TSPEAR: variants seen among roughly 807,000 people sequenced by gnomAD.
The protein encoded by TSPEAR is thrombospondin-type laminin G domain and EAR repeat-containing protein.
In TSPEAR, 69 loss-of-function variants were observed where a neutral mutation model predicts 71.6. The ratio of observed to expected loss-of-function variants is 0.96; its 90% CI spans 0.79 to 1.18. TSPEAR has a LOEUF of 1.18. Among genes scored for constraint, TSPEAR ranks in the 50% most tolerant of loss-of-function variants. TSPEAR has a pLI of 0.00. For missense variants in TSPEAR, 971 were observed against 894.9 expected (o/e 1.09, Z -1.09); for synonymous variants, 402 against 387.2 (o/e 1.04, Z -0.45).
intron 1 of TSPEAR, chr21:44,697,862 T>A (rs1051212333): frequency 6.2e-7 from 1 of 1,603,676 alleles, no homozygotes; most frequent in Non-Finnish European, 8.5e-7. Context: ...CACCTCCTCC[T>A]GCCAGCCAAG....
chr21:44,695,034 G>T lies in TSPEAR; in HGVS notation c.82+16399C>A, dbSNP rs1365029012. Among the ~76,000 whole-genome samples, 1 of 152,216 alleles carries T rather than the reference G, an allele frequency of 6.6e-6. No individual in the cohort carries two copies. Among genetic ancestry groups the T allele is most frequent in the Non-Finnish European group, 1.5e-5 (1 of 68,030 alleles). ...CCCTCCAGGCCTCTGCCACAGGCTG[G>T]AGGAGCTGCTTGATGCAGACACTTG... On this transcript the variant is annotated intron_variant, in intron 1 of 11. Coordinates refer to ENST00000323084, the MANE Select transcript of TSPEAR (RefSeq NM_144991.3). The surrounding 1 kb of genome is among the most constrained non-coding windows in gnomAD (Gnocchi z 4.5).
Position 44,646,595 on chromosome 21 carries a change from T to C in TSPEAR, c.82+64838A>G, listed in dbSNP as rs368542155. On this transcript the variant is annotated intron_variant, in intron 1 of 11. Transcript: ENST00000323084. Reference sequence around the variant, plus strand: ...GCCCCGGCCCCCTCCCTGAGCCTGGTCTGCACCCCAGTGAGCTGTGTGTCC... The same window carrying C: ...GCCCCGGCCCCCTCCCTGAGCCTGGCCTGCACCCCAGTGAGCTGTGTGTCC... The C allele has an allele frequency of 2.3e-5, 37 of 1,612,400 alleles. No homozygotes were observed. Among genetic ancestry groups the C allele is most frequent in the African/African-American group, 6.7e-5 (5 of 74,836 alleles).
rs782199623 is a variant in TSPEAR at position 44,580,466 on chromosome 21, G to T, written c.83-12461C>A. 1 of 1,613,054 alleles carries T rather than the reference G, an allele frequency of 6.2e-7. No homozygotes were observed. The highest frequency in any genetic ancestry group is 2.2e-5 in the East Asian group (1 of 44,886). On this transcript the variant is annotated intron_variant, in intron 1 of 11. Coordinates refer to ENST00000323084, the MANE Select transcript of TSPEAR (RefSeq NM_144991.3). ...ACAGCTCACTGGGGTGCAGACCAGG[G>T]TCAGGCAGGGGGCGGTGCCGCAGGG...
chr21:44,670,830 C>G (rs1486632543), intron 1 of TSPEAR, among the ~76,000 whole-genome samples: 1 of 152,202 alleles, frequency 6.6e-6, no homozygotes, highest in African/African-American at 2.4e-5. Context: ...TGTATCTCCA[C>G]ATCCCTTCAG....
intron 1 of TSPEAR, chr21:44,579,409 T>G: frequency 2.6e-6 from 1 of 391,144 alleles, no homozygotes; most frequent in Non-Finnish European, 4.7e-6. Context: ...GAGACCAATC[T>G]GAGCTCAAAA....
In TSPEAR at chr21:44,642,339, A is replaced by G. The variant is rs1388056239; in HGVS notation, c.82+69094T>C. The stretch of plus-strand genomic sequence containing the variant: ...TTTTCTGTGATACTTGAAATATTCC[A>G]GAGATCAGAAGAAGCCAGAGGTCCT... On this transcript the variant is annotated intron_variant, in intron 1 of 11. Coordinates refer to ENST00000323084, the MANE Select transcript of TSPEAR (RefSeq NM_144991.3). The surrounding 1 kb of genome is among the most constrained non-coding windows in gnomAD (Gnocchi z 4.1). 6.6e-6 allele frequency among the ~76,000 whole-genome samples: 1 copy of G among 152,236 alleles called. No individual in the cohort carries two copies. Among genetic ancestry groups the G allele is most frequent in the Non-Finnish European group, 1.5e-5 (1 of 68,038 alleles).
rs1555953346 is a variant in TSPEAR, at chr21:44,710,326, G to A, written c.82+1107C>T. Among the ~76,000 whole-genome samples, 1 of 152,128 alleles carries A rather than the reference G, an allele frequency of 6.6e-6. No individual in the cohort carries two copies. Among genetic ancestry groups the A allele is most frequent in the East Asian group, 1.9e-4 (1 of 5,178 alleles). Reference sequence around the variant, plus strand: ...ACCCAGGCAGTAATGGTTCCAGCACGGAAGGTCTACCTACCTCCCACTGCA... The same window carrying A: ...ACCCAGGCAGTAATGGTTCCAGCACAGAAGGTCTACCTACCTCCCACTGCA... On this transcript the variant is annotated intron_variant, in intron 1 of 11. Coordinates refer to ENST00000323084, the MANE Select transcript of TSPEAR (RefSeq NM_144991.3). The surrounding 1 kb of genome is among the most constrained non-coding windows in gnomAD (Gnocchi z 4.6).
intron 1 of TSPEAR, among the ~76,000 whole-genome samples, chr21:44,664,930 C>T (rs2838619): frequency 0.72 from 108,896 of 152,098 alleles, 39,445 homozygotes; most frequent in African/African-American, 0.82. Flanking sequence ...GTAGGTTCTC[C>T]AGAAGCATTT....
chr21:44,711,470 G>A lies in TSPEAR; in HGVS notation c.45C>T (p.Ala15=), dbSNP rs782161674. Residue 15 remains alanine (A), a synonymous_variant, in exon 1 of 12, where the codon GCC becomes GCT. Coordinates refer to ENST00000323084, the MANE Select transcript of TSPEAR (RefSeq NM_144991.3). The surrounding 1 kb of genome is among the most constrained non-coding windows in gnomAD (Gnocchi z 4.5). ...CCCAACCCTGCGTGCCGTGGCCGGG[G>A]GCCGCCAGGGGCAGCACAAAACACA... ...LSLCFVLPLA[A]PGHGTQGWEP... is the part of the protein sequence containing the mutation. 3 of 1,611,506 alleles carry A rather than the reference G, an allele frequency of 1.9e-6. No homozygotes were observed. The highest frequency in any genetic ancestry group is 2.2e-5 in the East Asian group (1 of 44,792).
intron 1 of TSPEAR, among the ~76,000 whole-genome samples, chr21:44,646,124 C>CAAAAA (rs55672014): frequency 0.034 from 1,049 of 31,190 alleles, 141 homozygotes; most frequent in East Asian, 0.04. Context: ...GACTCCCTCT[C>CAAAAA]AAAAAAAAAA....
At chr21:44,588,175 A>C (rs369111) in intron 1 of TSPEAR, among the ~76,000 whole-genome samples, 143,828 of 152,232 alleles carry the variant, frequency 0.94, 68,101 homozygotes, top group Non-Finnish European at 0.97. Context: ...AACAAATTAT[A>C]AAGAAAAAAA....
At chr21:44,570,627 A>AT (rs1569191896) in intron 1 of TSPEAR, among the ~76,000 whole-genome samples, 1 of 152,186 alleles carries the variant, frequency 6.6e-6, no homozygotes, top group African/African-American at 2.4e-5. Context: ...TGAATCCAAC[A>AT]TAGGAGCTTT....
In TSPEAR at chr21:44,612,788, G is replaced by A. The variant is rs1555931500; in HGVS notation, c.83-44783C>T. The A allele has an allele frequency of 1.2e-6, 2 of 1,613,184 alleles. No homozygotes were observed. The highest frequency in any genetic ancestry group is 1.3e-5 in the African/African-American group (1 of 74,810). On this transcript the variant is annotated intron_variant, in intron 1 of 11. Coordinates refer to ENST00000323084, the MANE Select transcript of TSPEAR (RefSeq NM_144991.3). This position sits in a 1 kb window ranked among gnomAD's most constrained non-coding sequence, Gnocchi z 4.1. Reference sequence around the variant, plus strand: ...CTGTGTGCCTGTCCCCTCCTGTTGTGTCCCTGCCTCCTCCTGCCAGCCCAG... The same window carrying A: ...CTGTGTGCCTGTCCCCTCCTGTTGTATCCCTGCCTCCTCCTGCCAGCCCAG...
At chr21:44,681,983 G>T (rs782585933) in intron 1 of TSPEAR, 1 of 1,613,132 alleles carries the variant, frequency 6.2e-7, no homozygotes, top group Non-Finnish European at 8.5e-7. Flanking sequence ...GGCATCTCAC[G>T]GGCACACACA....
intron 1 of TSPEAR, chr21:44,580,259 G>A (rs868980591): frequency 1.2e-6 from 2 of 1,612,224 alleles, no homozygotes; most frequent in Non-Finnish European, 1.7e-6. Context: ...GCATGAAGAG[G>A]AATCCTTAGA....
intron 4 of TSPEAR, among the ~76,000 whole-genome samples, chr21:44,530,293 C>A (rs1466845484): frequency 6.6e-6 from 1 of 152,096 alleles, no homozygotes; most frequent in Non-Finnish European, 1.5e-5. Flanking sequence ...TCAGTCCAAT[C>A]CATTCATCCA....
At position 44,666,428 on chromosome 21, in the gene TSPEAR, G is replaced by A. The variant is rs782818215; in HGVS notation, c.82+45005C>T. 12 of 1,563,180 alleles carry A rather than the reference G, an allele frequency of 7.7e-6. No homozygotes were observed. The East Asian group carries it at 9.0e-5, about 12-fold the overall frequency. ...TGGCCTCATCTGCACTGGGAGCAGC[G>A]GGTCTGGAGATTCATGCTCAGCAGC... On this transcript the variant is annotated intron_variant, in intron 1 of 11. Coordinates refer to ENST00000323084, the MANE Select transcript of TSPEAR (RefSeq NM_144991.3).
At chr21:44,599,279 C>T (rs11702525) in intron 1 of TSPEAR, among the ~76,000 whole-genome samples, 5 of 151,974 alleles carry the variant, frequency 3.3e-5, no homozygotes, top group South Asian at 4.1e-4. Context: ...TTCATCCCAC[C>T]GTGTAACTGA....
intron 1 of TSPEAR, among the ~76,000 whole-genome samples, chr21:44,651,051 A>G (rs1204537805): frequency 6.6e-6 from 1 of 151,648 alleles, no homozygotes; most frequent in East Asian, 1.9e-4. Context: ...GAACCTGGGG[A>G]GAGGACAGGT....
Sources: gnomAD v4.1 joint callset for allele counts (sites outside exome capture counted in the v4.1 genomes callset) on GRCh38, gnomAD v4.1.1 for gene constraint, Gnocchi (gnomAD v3.1) non-coding constraint, MANE v1.5 for transcripts, NCBI Gene and HGNC (gene_info 2026-07-23, HGNC 2026-07-21) for gene names.